Variants in SNX30 observed in about 807,000 individuals in gnomAD.
SNX30 encodes sorting nexin family member 30.
SNX30 carries 24 observed loss-of-function variants against 46.4 expected under a neutral mutation model. The ratio of observed to expected loss-of-function variants is 0.52; its 90% CI spans 0.37 to 0.73. The LOEUF is 0.73. Ranked by LOEUF, SNX30 falls within the 30% of genes least tolerant of loss-of-function variation. The pLI is 0.00. For synonymous variants in SNX30, 189 were observed against 211.5 expected (o/e 0.89, Z 0.92); for missense variants, 533 against 555.7 (o/e 0.96, Z 0.41).
chr9:112,827,079 C>T (rs1386370676), intron 3 of SNX30, among the ~76,000 whole-genome samples: 1 of 152,174 alleles, frequency 6.6e-6, no homozygotes. Flanking sequence ...GGAACTCCTG[C>T]TCTGTCATAA....
intron 1 of SNX30, among the ~76,000 whole-genome samples, chr9:112,776,057 C>T (rs1348735274): frequency 6.6e-6 from 1 of 152,058 alleles, no homozygotes; most frequent in African/African-American, 2.4e-5. Context: ...TTTTCTTCTT[C>T]TGAAATTTAG....
chr9:112,820,719 A>G (rs1840478632), intron 3 of SNX30, among the ~76,000 whole-genome samples: 1 of 152,188 alleles, frequency 6.6e-6, no homozygotes, highest in Non-Finnish European at 1.5e-5. Context: ...AGCCCCTGGC[A>G]ACCACTCATG....
intron 2 of SNX30, among the ~76,000 whole-genome samples, chr9:112,816,773 T>G (rs1462434011): frequency 6.6e-6 from 1 of 152,204 alleles, no homozygotes; most frequent in African/African-American, 2.4e-5. Flanking sequence ...GCTTGACCCA[T>G]TTTTATCTTG....
In SNX30 at chr9:112,868,389, C is replaced by T. The variant is rs1386034090; in HGVS notation, c.1255-395C>T. 5.3e-5 allele frequency among the ~76,000 whole-genome samples: 8 copies of T among 152,154 alleles called. No homozygotes were observed. In the East Asian group the frequency reaches 5.8e-4, roughly 11 times the overall value. Reference sequence around the variant, plus strand: ...AACTATGATTTCCATCCTGCATAAGCGCCACCCACACCTGGAGCAGTGTCT... The same window carrying T: ...AACTATGATTTCCATCCTGCATAAGTGCCACCCACACCTGGAGCAGTGTCT... On this transcript the variant is annotated intron_variant, in intron 8 of 8. Coordinates refer to ENST00000374232, the MANE Select transcript of SNX30 (RefSeq NM_001012994.2).
chr9:112,879,555 G>C (rs1295175588), downstream of SNX30: 1 of 537,462 alleles, frequency 1.9e-6, no homozygotes, highest in African/African-American at 1.9e-5. Flanking sequence ...TCTTAAAGCT[G>C]AGAACGTTTT....
chr9:112,822,543 T>G (rs997869588), intron 3 of SNX30, among the ~76,000 whole-genome samples: 2 of 149,570 alleles, frequency 1.3e-5, no homozygotes, highest in African/African-American at 4.9e-5. Context: ...TTTGTTTTGT[T>G]TTTTTTTTTT....
Position 112,751,338 on chromosome 9 carries a change from C to T in SNX30, c.156+181C>T, listed in dbSNP as rs572504881. On this transcript the variant is annotated intron_variant, in intron 1 of 8. Transcript: ENST00000374232. ...CTCCTCTGCCGCCTCCGCGGGGTCG[C>T]AGCCGCAGAGGGACAGGCTTCGCTG... Among the ~76,000 whole-genome samples the T allele has an allele frequency of 5.3e-5, 8 of 152,334 alleles. No individual in the cohort carries two copies. The South Asian group carries it at 1.7e-3, about 32-fold the overall frequency.
chr9:112,787,749 T>C (rs1399088759), intron 1 of SNX30, among the ~76,000 whole-genome samples: 1 of 151,544 alleles, frequency 6.6e-6, no homozygotes, highest in Admixed American at 6.6e-5. Flanking sequence ...AGAGAGACAG[T>C]CCCTATTGTA....
At chr9:112,788,715 T>G (rs1422601809) in intron 1 of SNX30, among the ~76,000 whole-genome samples, 3 of 152,204 alleles carry the variant, frequency 2.0e-5, no homozygotes, top group Admixed American at 6.5e-5. Context: ...AGGAATGCCT[T>G]CCTTAGGTTT....
chr9:112,794,949 C>T (rs1413421663), intron 1 of SNX30, among the ~76,000 whole-genome samples: 2 of 152,132 alleles, frequency 1.3e-5, no homozygotes, highest in Non-Finnish European at 2.9e-5. Flanking sequence ...TATTTTGCAA[C>T]AATGGGGAGT....
chr9:112,833,491 T>G (rs958158773), intron 4 of SNX30, among the ~76,000 whole-genome samples: 5 of 152,106 alleles, frequency 3.3e-5, no homozygotes, highest in African/African-American at 1.2e-4. Flanking sequence ...AGACCCCATC[T>G]CTATATATTA....
At chr9:112,827,935 A>G (rs1320960091) in intron 3 of SNX30, among the ~76,000 whole-genome samples, 1 of 152,236 alleles carries the variant, frequency 6.6e-6, no homozygotes, top group African/African-American at 2.4e-5. Flanking sequence ...CATTTTCTAA[A>G]GAGGCTGCAT....
At chr9:112,846,106 A>G (rs1195991483) in intron 6 of SNX30, among the ~76,000 whole-genome samples, 1 of 152,230 alleles carries the variant, frequency 6.6e-6, no homozygotes, top group Non-Finnish European at 1.5e-5. Flanking sequence ...AAGTTAAGCA[A>G]GTCACATATG....
rs71384272 is a variant in SNX30, at chr9:112,768,644, C to CTTT, written c.156+17489_156+17490insTTT. On this transcript the variant is annotated intron_variant, in intron 1 of 8. Transcript: ENST00000374232. ...GTAAAGTTTCTCTAGATAATTCTTT[C>CTTT]TTCTTTTTTTTTTTTTTTTTTTTTT... Among the ~76,000 whole-genome samples, 15 of 46,202 alleles carry CTTT rather than the reference C, an allele frequency of 3.2e-4. 2 individuals carry two copies. Among genetic ancestry groups the CTTT allele is most frequent in the Admixed American group, 1.1e-3 (4 of 3,672 alleles). 30.3% of individuals were successfully genotyped at this position (46,202 alleles called of 152,430 possible).
chr9:112,796,809 C>T (rs991414147), intron 1 of SNX30, among the ~76,000 whole-genome samples: 3 of 152,136 alleles, frequency 2.0e-5, no homozygotes, highest in South Asian at 2.1e-4. Context: ...TTCACTCCGC[C>T]GTGTCCCATT....
At chr9:112,812,229 G>C (rs945243391) in intron 2 of SNX30, among the ~76,000 whole-genome samples, 1 of 151,996 alleles carries the variant, frequency 6.6e-6, no homozygotes, top group Non-Finnish European at 1.5e-5. Flanking sequence ...TAAATACTGG[G>C]TCAGAGAGTG....
At chr9:112,821,854 T>TA (rs1244670493) in intron 3 of SNX30, among the ~76,000 whole-genome samples, 1 of 152,038 alleles carries the variant, frequency 6.6e-6, no homozygotes, top group Admixed American at 6.5e-5. Context: ...TGCAGTGGTA[T>TA]GATCACAGCT....
chr9:112,834,859 CA>C (rs869193534), intron 4 of SNX30, among the ~76,000 whole-genome samples: 33,255 of 144,520 alleles, frequency 0.23, 4,664 homozygotes, highest in East Asian at 0.41. Flanking sequence ...CACACACACA[CA>C]CACACACACA....
At position 112,872,897 on chromosome 9, in the gene SNX30, C is replaced by T. The variant is rs768462116; in HGVS notation, c.*4054C>T. The T allele has an allele frequency of 6.6e-6, 1 of 152,240 alleles. No homozygotes were observed. The highest frequency in any genetic ancestry group is 1.5e-5 in the Non-Finnish European group (1 of 68,060). The allele number at this position is 152,240 out of a possible 1,614,324, so 9.4% of individuals were successfully genotyped here. The stretch of plus-strand genomic sequence containing the variant: ...TCTCCTGGGCCAGCCTCACAGCTTG[C>T]GTTGGGTGTGTTGGAATTGTTCTCT... On this transcript the variant is annotated 3_prime_UTR_variant, in exon 9 of 9. Transcript: ENST00000374232.
Sources: allele counts gnomAD v4.1 joint callset (sites outside exome capture counted in the v4.1 genomes callset), GRCh38; gene constraint gnomAD v4.1.1; transcripts MANE v1.5; gene names NCBI Gene and HGNC (gene_info 2026-07-23, HGNC 2026-07-21).